Variants in MAN1A2 observed in about 807,000 individuals in gnomAD.
The protein encoded by MAN1A2 is mannosidase alpha class 1A member 2.
A neutral mutation model predicts 75.7 loss-of-function variants in MAN1A2; 26 were observed. The ratio of observed to expected loss-of-function variants is 0.34; its 90% CI spans 0.25 to 0.48. The LOEUF (loss-of-function observed/expected upper bound fraction) is 0.48. MAN1A2 is among the 20% of genes least tolerant of loss of function. MAN1A2 has a pLI of 0.99. For synonymous variants in MAN1A2, 247 were observed against 264.6 expected, an observed-to-expected ratio of 0.93 and a Z score of 0.65; for missense variants, 562 against 775.5, an observed-to-expected ratio of 0.72 and a Z score of 3.27.
intron 7 of MAN1A2, among the ~76,000 whole-genome samples, chr1:117,462,098 A>T (rs560799846): frequency 6.6e-6 from 1 of 152,288 alleles, no homozygotes; most frequent in South Asian, 2.1e-4. Context: ...TAATTCCAGG[A>T]ATATTAAAGG....
At chr1:117,400,197 G>A (rs1371743522) in intron 1 of MAN1A2, among the ~76,000 whole-genome samples, 1 of 151,752 alleles carries the variant, frequency 6.6e-6, no homozygotes, top group Non-Finnish European at 1.5e-5. Context: ...CAGTCTGTCT[G>A]TAGGGCCCGT....
chr1:117,483,971 T>G (rs58038641), intron 8 of MAN1A2, among the ~76,000 whole-genome samples: 3,163 of 151,960 alleles, frequency 0.021, 118 homozygotes, highest in African/African-American at 0.073. Flanking sequence ...GCATCAACTT[T>G]TAAGAGCATC....
chr1:117,493,666 A>C (rs2101874157), intron 9 of MAN1A2: 1 of 154,642 alleles, frequency 6.5e-6, no homozygotes, highest in South Asian at 2.0e-4. Context: ...CTGTAGTCCC[A>C]GCTACTTGGG....
At chr1:117,489,100 A>C (rs1306676918) in intron 8 of MAN1A2, among the ~76,000 whole-genome samples, 4 of 152,090 alleles carry the variant, frequency 2.6e-5, no homozygotes, top group African/African-American at 9.7e-5. Flanking sequence ...GATTCTCTTT[A>C]ATGATTGTGC....
chr1:117,406,386 A>T (rs1031078598), intron 3 of MAN1A2, among the ~76,000 whole-genome samples: 4 of 152,162 alleles, frequency 2.6e-5, no homozygotes, highest in African/African-American at 9.7e-5. Context: ...GAAAATTTTA[A>T]TGGGCTAAAA....
At chr1:117,480,471 A>G (rs1475773159) in intron 8 of MAN1A2, among the ~76,000 whole-genome samples, 2 of 151,534 alleles carry the variant, frequency 1.3e-5, no homozygotes, top group Non-Finnish European at 1.5e-5. Context: ...ATTTTGTCCA[A>G]AGTTTTTGGT....
chr1:117,491,680 T>A (rs1372045641), intron 8 of MAN1A2, among the ~76,000 whole-genome samples: 2 of 152,076 alleles, frequency 1.3e-5, no homozygotes, highest in Non-Finnish European at 2.9e-5. Context: ...GATTCCTCTG[T>A]CAGATCTCAG....
intron 5 of MAN1A2, among the ~76,000 whole-genome samples, chr1:117,433,814 C>T (rs1054364451): frequency 1.3e-5 from 2 of 152,218 alleles, no homozygotes; most frequent in Admixed American, 6.5e-5. Flanking sequence ...GAACTTGCCA[C>T]TACCTATTAG....
intron 5 of MAN1A2, among the ~76,000 whole-genome samples, chr1:117,436,950 A>G (rs1357786250): frequency 6.6e-6 from 1 of 152,224 alleles, no homozygotes; most frequent in Non-Finnish European, 1.5e-5. Context: ...TTTCATTATG[A>G]GTTTTAAAAT....
chr1:117,476,344 AGAAG>A (rs1650313248), intron 8 of MAN1A2, among the ~76,000 whole-genome samples: 2 of 152,140 alleles, frequency 1.3e-5, no homozygotes, highest in Admixed American at 1.3e-4. Flanking sequence ...TTTGCTGTGC[AGAAG>A]CTCTTTAGTT....
At chr1:117,521,236 G>A (rs1651863111) in intron 12 of MAN1A2, among the ~76,000 whole-genome samples, 1 of 151,998 alleles carries the variant, frequency 6.6e-6, no homozygotes, top group South Asian at 2.1e-4. Flanking sequence ...AACCCTTCTA[G>A]ACATTGGCTT....
intron 6 of MAN1A2, among the ~76,000 whole-genome samples, chr1:117,460,199 G>A (rs545634076): frequency 1.3e-5 from 2 of 152,258 alleles, no homozygotes; most frequent in South Asian, 2.1e-4. Flanking sequence ...AAAACATTCT[G>A]TAGTAATATG....
intron 6 of MAN1A2, among the ~76,000 whole-genome samples, chr1:117,458,523 A>ATATATATTTTTTTTTTTTTT (rs1553236643): frequency 9.5e-6 from 1 of 105,610 alleles, no homozygotes; most frequent in Non-Finnish European, 2.0e-5. Flanking sequence ...ATATATATAT[A>ATATATATTTTTTTTTTTTTT]TTTTTTTTTT....
chr1:117,439,475 A>G (rs536684374), intron 5 of MAN1A2, among the ~76,000 whole-genome samples: 73 of 151,736 alleles, frequency 4.8e-4, no homozygotes, highest in Non-Finnish European at 8.4e-4. Context: ...CAGTGGTTCT[A>G]TGTTACCTAT....
intron 10 of MAN1A2, 37 bp downstream of exon 10, chr1:117,497,019 A>G: frequency 2.0e-6 from 3 of 1,515,434 alleles, no homozygotes; most frequent in Non-Finnish European, 2.7e-6. Context: ...ATAGTCTAAA[A>G]TAATCTCTAA....
chr1:117,448,750 C>T (rs1386764030), intron 6 of MAN1A2, among the ~76,000 whole-genome samples: 1 of 152,102 alleles, frequency 6.6e-6, no homozygotes, highest in Non-Finnish European at 1.5e-5. Flanking sequence ...TTTAACATAC[C>T]TGTAATGGAG....
chr1:117,381,401 G>C (rs1255404146), intron 1 of MAN1A2, among the ~76,000 whole-genome samples: 1 of 151,824 alleles, frequency 6.6e-6, no homozygotes, highest in East Asian at 1.9e-4. Flanking sequence ...TGTTCTCATT[G>C]TTCAATTGCC....
chr1:117,476,115 G>A (rs889943251), intron 8 of MAN1A2, among the ~76,000 whole-genome samples: 1 of 152,134 alleles, frequency 6.6e-6, no homozygotes, highest in Admixed American at 6.6e-5. Context: ...CTAATGACCA[G>A]TGATGATGAG....
At chr1:117,481,964 C>G (rs1427195057) in intron 8 of MAN1A2, among the ~76,000 whole-genome samples, 2 of 151,824 alleles carry the variant, frequency 1.3e-5, no homozygotes, top group Non-Finnish European at 2.9e-5. Flanking sequence ...TCTCTTTTTA[C>G]AGGATGACAA....
Sources: gnomAD v4.1 joint callset for allele counts (sites outside exome capture counted in the v4.1 genomes callset) on GRCh38, gnomAD v4.1.1 for gene constraint, MANE v1.5 for transcripts, NCBI Gene and HGNC (gene_info 2026-07-23, HGNC 2026-07-21) for gene names.